The following LPP variants were observed in gnomAD, a reference collection of about 807,000 sequenced individuals.
The protein encoded by LPP is LIM domain containing preferred translocation partner in lipoma.
In LPP, 38 loss-of-function variants were observed where a neutral mutation model predicts 60.4. The observed-to-expected ratio is 0.63, with a 90% CI of 0.49 to 0.83. LPP has a LOEUF of 0.83. Ranked by LOEUF, LPP falls within the 40% of genes least tolerant of loss-of-function variation. The pLI is 0.00. For synonymous variants in LPP, 328 were observed against 290.8 expected (o/e 1.13, Z -1.30); for missense variants, 902 against 783.6 (o/e 1.15, Z -1.80).
At position 188,440,972 on chromosome 3, in the gene LPP, C is replaced by T. The variant is rs190615908; in HGVS notation, c.193+34659C>T. On this transcript the variant is annotated intron_variant, in intron 4 of 11. Transcript: ENST00000617246. ...ATATGTGTGTGTGTGTGTGTGTGTG[C>T]GCCTGTATACATCAGATATATGGAT... Among the ~76,000 whole-genome samples, 249 of 69,192 alleles carry T rather than the reference C, an allele frequency of 3.6e-3. 4 individuals carry two copies. In the East Asian group the frequency reaches 0.067, roughly 19 times the overall value. 45.4% of individuals were successfully genotyped at this position (69,192 alleles called of 152,430 possible). A position where few individuals can be genotyped will look rare whatever the true frequency, so the allele number is the denominator to read the frequency against.
At chr3:188,761,964 A>G (rs35557157) in intron 9 of LPP, among the ~76,000 whole-genome samples, 41,409 of 152,096 alleles carry the variant, frequency 0.27, 7,065 homozygotes, top group East Asian at 0.71. Context: ...CAGAGTGTGT[A>G]GAGGCACCCA....
intron 3 of LPP, among the ~76,000 whole-genome samples, chr3:188,370,341 G>A (rs1772649338): frequency 6.6e-6 from 1 of 152,172 alleles, no homozygotes; most frequent in South Asian, 2.1e-4. Context: ...TACAAGTGGT[G>A]GGGCTGGAGT....
At position 188,609,535 on chromosome 3, in the gene LPP, G is replaced by A. The variant is rs1400994431; in HGVS notation, c.804G>A (p.Arg268=). 2.5e-6 allele frequency: 4 copies of A among 1,614,040 alleles called. No individual in the cohort carries two copies. Among genetic ancestry groups the A allele is most frequent in the African/African-American group, 1.3e-5 (1 of 74,904 alleles). The part of the protein sequence containing the change: ...VSGQCPPPST[R]GGMDYAYIPP... ...GGCAGTGTCCACCTCCTTCAACACG[G>A]GGAGGCATGGATTATGCCTACATTC... Residue 268 remains arginine (R), a synonymous_variant, in exon 7 of 12, where the codon CGG becomes CGA. Coordinates refer to ENST00000617246, the MANE Select transcript of LPP (RefSeq NM_001375462.1). The surrounding 1 kb of genome is among the most constrained non-coding windows in gnomAD (Gnocchi z 6.9).
chr3:188,889,984 A>ATT lies in LPP; in HGVS notation c.*15514_*15515dup. The ATT allele has an allele frequency of 1.9e-5, 4 of 208,764 alleles. No homozygotes were observed. Among genetic ancestry groups the ATT allele is most frequent in the African/African-American group, 9.2e-5 (4 of 43,598 alleles). 12.9% of individuals were successfully genotyped at this position (208,764 alleles called of 1,614,324 possible). A position where few individuals can be genotyped will look rare whatever the true frequency, so the allele number is the denominator to read the frequency against. On this transcript the variant is annotated 3_prime_UTR_variant, in exon 12 of 12. Transcript: ENST00000617246. ...GTCATAAGGATGTTGGGATACAGAG[A>ATT]TTTTTTTTTTCCTTGGAAACAAATG...
intron 2 of LPP, among the ~76,000 whole-genome samples, chr3:188,273,978 T>C (rs995860999): frequency 6.6e-6 from 1 of 152,220 alleles, no homozygotes; most frequent in African/African-American, 2.4e-5. Context: ...AAATTATTTG[T>C]AACTTCCTTC....
chr3:188,419,356 A>G (rs1462945970), intron 4 of LPP, among the ~76,000 whole-genome samples: 2 of 152,202 alleles, frequency 1.3e-5, no homozygotes, highest in African/African-American at 4.8e-5. Flanking sequence ...ATAAAGCTTT[A>G]CTGTACAGCT....
chr3:188,637,513 CAG>C (rs1030065056), intron 7 of LPP, among the ~76,000 whole-genome samples: 1 of 150,170 alleles, frequency 6.7e-6, no homozygotes, highest in Admixed American at 6.6e-5. Flanking sequence ...TAACTAAAAT[CAG>C]AGCAGAACTG....
chr3:188,748,611 G>A (rs760394162), intron 8 of LPP, among the ~76,000 whole-genome samples: 12 of 151,918 alleles, frequency 7.9e-5, no homozygotes, highest in African/African-American at 9.7e-5. Context: ...GTGAAACCCC[G>A]TTTCTACTAA....
intron 3 of LPP, among the ~76,000 whole-genome samples, chr3:188,385,206 A>G (rs1777960392): frequency 6.6e-6 from 1 of 152,044 alleles, no homozygotes; most frequent in African/African-American, 2.4e-5. Flanking sequence ...ATAGTGCTTT[A>G]GCTGTAGCTT....
At chr3:188,871,818 A>C (rs3796280) in intron 10 of LPP, among the ~76,000 whole-genome samples, 69,437 of 151,954 alleles carry the variant, frequency 0.46, 16,431 homozygotes, top group Non-Finnish European at 0.52. Context: ...TAGAAAAAAA[A>C]TTGTTAGGTA....
At chr3:188,787,905 A>G (rs528995801) in intron 9 of LPP, among the ~76,000 whole-genome samples, 1 of 152,314 alleles carries the variant, frequency 6.6e-6, no homozygotes, top group African/African-American at 2.4e-5. Flanking sequence ...ATATGTATCT[A>G]TCATTTTAGC....
chr3:188,526,036 A>G (rs1033086054), intron 6 of LPP, among the ~76,000 whole-genome samples: 35 of 152,264 alleles, frequency 2.3e-4, no homozygotes, highest in South Asian at 1.2e-3. Context: ...AGGGCTTCCA[A>G]TTCCTCAGAA....
At chr3:188,465,720 C>G (rs938634188) in intron 4 of LPP, among the ~76,000 whole-genome samples, 5 of 152,122 alleles carry the variant, frequency 3.3e-5, no homozygotes, top group Admixed American at 3.3e-4. Flanking sequence ...TATATTTACT[C>G]TTAATAGGAG....
chr3:188,276,903 T>C (rs1337031446), intron 2 of LPP, among the ~76,000 whole-genome samples: 4 of 133,100 alleles, frequency 3.0e-5, no homozygotes, highest in Admixed American at 7.5e-5. Flanking sequence ...TCTTTTTTTT[T>C]TTTTTTTTTT....
At chr3:188,462,489 C>A (rs1390978327) in intron 4 of LPP, among the ~76,000 whole-genome samples, 1 of 136,036 alleles carries the variant, frequency 7.4e-6, no homozygotes, top group African/African-American at 2.8e-5. Flanking sequence ...GTGTGTGTTA[C>A]CTTCCTGGTA....
intron 1 of LPP, among the ~76,000 whole-genome samples, chr3:188,221,658 G>A (rs1715827833): frequency 6.6e-6 from 1 of 152,124 alleles, no homozygotes; most frequent in Non-Finnish European, 1.5e-5. Context: ...CCCTTTTCAG[G>A]TTTGTTTCCC....
intron 2 of LPP, among the ~76,000 whole-genome samples, chr3:188,276,731 C>A (rs1415120176): frequency 2.7e-5 from 4 of 147,562 alleles, no homozygotes; most frequent in African/African-American, 1.0e-4. Flanking sequence ...CTCTGTCTGT[C>A]CTCCTCTCCT....
intron 9 of LPP, among the ~76,000 whole-genome samples, chr3:188,796,513 TG>T (rs1745394705): frequency 6.6e-6 from 1 of 152,186 alleles, no homozygotes; most frequent in South Asian, 2.1e-4. Context: ...AGTAAGTGAC[TG>T]GGGGAACCTT....
chr3:188,567,514 T>G (rs1451787000), intron 6 of LPP, among the ~76,000 whole-genome samples: 1 of 151,898 alleles, frequency 6.6e-6, no homozygotes, highest in South Asian at 2.1e-4. Flanking sequence ...AGATGCAGTT[T>G]ATAGTCAAAG....
Sources: gnomAD v4.1 joint callset for allele counts (sites outside exome capture counted in the v4.1 genomes callset) on GRCh38, gnomAD v4.1.1 for gene constraint, Gnocchi (gnomAD v3.1) non-coding constraint, MANE v1.5 for transcripts, NCBI Gene and HGNC (gene_info 2026-07-23, HGNC 2026-07-21) for gene names.